The following KCNK2 variants were observed in gnomAD, a reference collection of about 807,000 sequenced individuals.
The protein encoded by KCNK2 is potassium two pore domain channel subfamily K member 2, also known as potassium channel subfamily K member 2.
Under a neutral mutation model 40.5 loss-of-function variants are expected in KCNK2, and 21 were observed. The observed-to-expected ratio is 0.52, with a 90% confidence interval of 0.37 to 0.75. The LOEUF (loss-of-function observed/expected upper bound fraction) is 0.75, where lower values mean the gene tolerates loss of function less well. Among genes scored for constraint, KCNK2 ranks in the 30% least tolerant of loss-of-function variants. The pLI is 0.00. For missense variants in KCNK2, 399 were observed against 531.6 expected, an observed-to-expected ratio of 0.75 and a Z score of 2.45; for synonymous variants, 191 against 202.2, an observed-to-expected ratio of 0.94 and a Z score of 0.47.
chr1:215,134,318 G>A (rs898122734), intron 3 of KCNK2, among the ~76,000 whole-genome samples: 1 of 152,136 alleles, frequency 6.6e-6, no homozygotes, highest in Admixed American at 6.5e-5. Flanking sequence ...TCCACATGCT[G>A]GTCACAAGTT....
intron 1 of KCNK2, among the ~76,000 whole-genome samples, chr1:215,030,427 C>G (rs1657144983): frequency 6.6e-6 from 1 of 152,014 alleles, no homozygotes; most frequent in South Asian, 2.1e-4. Flanking sequence ...TTTATACATA[C>G]TTTCTATTAT....
chr1:215,088,687 A>G (rs1659564259), intron 2 of KCNK2, among the ~76,000 whole-genome samples: 1 of 152,176 alleles, frequency 6.6e-6, no homozygotes, highest in Admixed American at 6.5e-5. Flanking sequence ...TCAGAACTCT[A>G]AAGATAACTT....
intron 1 of KCNK2, among the ~76,000 whole-genome samples, chr1:215,021,575 T>C (rs796164741): frequency 0.025 from 3,168 of 128,508 alleles, 240 homozygotes; most frequent in East Asian, 0.087. Context: ...AGACGGAATC[T>C]CGCTCTGTCG....
intron 3 of KCNK2, among the ~76,000 whole-genome samples, chr1:215,157,342 C>A (rs963742331): frequency 6.6e-6 from 1 of 152,128 alleles, no homozygotes; most frequent in Admixed American, 6.5e-5. Context: ...GATTAGAGCC[C>A]CCCAAACAGC....
At chr1:215,038,910 A>G (rs1024100105) in intron 1 of KCNK2, among the ~76,000 whole-genome samples, 1 of 151,974 alleles carries the variant, frequency 6.6e-6, no homozygotes, top group Non-Finnish European at 1.5e-5. Context: ...TGGTTTATCA[A>G]TATGTTATGA....
intron 2 of KCNK2, among the ~76,000 whole-genome samples, chr1:215,113,079 C>T (rs1434776694): frequency 6.6e-6 from 1 of 152,108 alleles, no homozygotes; most frequent in Non-Finnish European, 1.5e-5. Context: ...GAGTAGTTAA[C>T]ATTATACTGG....
At chr1:215,144,570 G>C (rs1239394989) in intron 3 of KCNK2, among the ~76,000 whole-genome samples, 5 of 152,040 alleles carry the variant, frequency 3.3e-5, no homozygotes, top group Non-Finnish European at 5.9e-5. Context: ...TGAAAACCTT[G>C]AGTTTTATCT....
intron 6 of KCNK2, among the ~76,000 whole-genome samples, chr1:215,210,035 A>C (rs1186879321): frequency 1.8e-5 from 1 of 56,358 alleles, no homozygotes; most frequent in African/African-American, 7.2e-5. Context: ...ATTATATATA[A>C]TATATATAAT....
Position 215,225,110 on chromosome 1 carries a change from A to C in KCNK2, c.964-9718A>C, listed in dbSNP as rs146983297. Among the ~76,000 whole-genome samples the C allele has an allele frequency of 1.1e-4, 16 of 152,320 alleles. No homozygotes were observed. The East Asian group carries it at 3.1e-3, about 29-fold the overall frequency. ...CAAGAAAGCCAACACTAAGCCCAGG[A>C]CTTGGCATATAATAGATATTCAACA... On this transcript the variant is annotated intron_variant, in intron 6 of 6. Coordinates refer to ENST00000444842, the MANE Select transcript of KCNK2 (RefSeq NM_001017425.3).
chr1:215,079,678 T>C (rs1659080197), upstream of KCNK2, among the ~76,000 whole-genome samples: 2 of 152,168 alleles, frequency 1.3e-5, no homozygotes, highest in African/African-American at 4.8e-5. Context: ...ATCCAAACCA[T>C]ATCACTGAGT....
intron 1 of KCNK2, among the ~76,000 whole-genome samples, chr1:215,068,701 T>TC (rs143337564): frequency 0.023 from 3,579 of 152,312 alleles, 133 homozygotes; most frequent in African/African-American, 0.08. Context: ...GAGCATAATG[T>TC]GATACTGGGT....
At chr1:215,150,815 A>G (rs1662655423) in intron 3 of KCNK2, among the ~76,000 whole-genome samples, 1 of 151,684 alleles carries the variant, frequency 6.6e-6, no homozygotes, top group African/African-American at 2.4e-5. Context: ...CGCACAACTA[A>G]TATATTTGTC....
chr1:215,011,594 G>C (rs1024362395), intron 1 of KCNK2, among the ~76,000 whole-genome samples: 3 of 151,274 alleles, frequency 2.0e-5, no homozygotes, highest in African/African-American at 7.3e-5. Context: ...GCCCGGCCTT[G>C]AGTCTGATTT....
intron 2 of KCNK2, among the ~76,000 whole-genome samples, chr1:215,108,089 G>T (rs187656748): frequency 6.6e-6 from 1 of 151,926 alleles, no homozygotes; most frequent in Non-Finnish European, 1.5e-5. Context: ...TAGATCCCTC[G>T]CATGTACACT....
intron 3 of KCNK2, among the ~76,000 whole-genome samples, chr1:215,167,152 T>A (rs1253645111): frequency 6.6e-6 from 1 of 152,182 alleles, no homozygotes; most frequent in Non-Finnish European, 1.5e-5. Flanking sequence ...TCACTCCATG[T>A]TCTTTTTGTA....
chr1:215,234,794 AT>A, intron 6 of KCNK2, 33 bp from the exon 7 acceptor site: 1 of 1,552,760 alleles, frequency 6.4e-7, no homozygotes, highest in Non-Finnish European at 8.8e-7. Flanking sequence ...CGGCATGTCA[AT>A]ATCTTTATCT....
At chr1:215,168,671 G>A (rs914749932) in intron 3 of KCNK2, among the ~76,000 whole-genome samples, 10 of 152,146 alleles carry the variant, frequency 6.6e-5, no homozygotes, top group African/African-American at 2.2e-4. Flanking sequence ...CATGGACACA[G>A]GGAGGGGAAC....
intron 3 of KCNK2, among the ~76,000 whole-genome samples, chr1:215,136,257 A>G (rs1303796062): frequency 2.0e-5 from 3 of 151,770 alleles, no homozygotes; most frequent in African/African-American, 4.8e-5. Context: ...CACCATGTCC[A>G]GCTAATTTTT....
At chr1:215,094,007 G>A (rs1417122908) in intron 2 of KCNK2, among the ~76,000 whole-genome samples, 1 of 140,236 alleles carries the variant, frequency 7.1e-6, no homozygotes, top group Non-Finnish European at 1.5e-5. Context: ...TGCGGTTTTT[G>A]TCATTACTTT....
Sources: gnomAD v4.1 joint callset for allele counts (sites outside exome capture counted in the v4.1 genomes callset) on GRCh38, gnomAD v4.1.1 for gene constraint, MANE v1.5 for transcripts, NCBI Gene and HGNC (gene_info 2026-07-23, HGNC 2026-07-21) for gene names.